Variants in PCDH9 observed in about 807,000 individuals in gnomAD.
PCDH9 encodes protocadherin 9, also known as protocadherin-9.
A neutral mutation model predicts 70.6 loss-of-function variants in PCDH9; 24 were observed. That is an observed-to-expected ratio of 0.34 (90% CI 0.25 to 0.48). The LOEUF (loss-of-function observed/expected upper bound fraction) is 0.48. Ranked by LOEUF, PCDH9 falls within the 20% of genes least tolerant of loss-of-function variation. The pLI is 0.99. For synonymous variants in PCDH9, 562 were observed against 558.5 expected (o/e 1.01, Z -0.09); for missense variants, 1,281 against 1,503.6 (o/e 0.85, Z 2.45).
intron 4 of PCDH9, among the ~76,000 whole-genome samples, chr13:66,408,330 C>T (rs375126): frequency 0.99 from 150,825 of 152,344 alleles, 74,680 homozygotes; most frequent in East Asian, 1. Context: ...GCAGGAACTT[C>T]GGTATGATTA....
intron 3 of PCDH9, among the ~76,000 whole-genome samples, chr13:66,803,872 G>A (rs769291152): frequency 6.6e-6 from 1 of 152,158 alleles, no homozygotes; most frequent in Non-Finnish European, 1.5e-5. Flanking sequence ...CACAGAATAT[G>A]AAGTTGCTTT....
chr13:66,903,810 T>C (rs2082315578), intron 2 of PCDH9, among the ~76,000 whole-genome samples: 1 of 152,036 alleles, frequency 6.6e-6, no homozygotes, highest in South Asian at 2.1e-4. Flanking sequence ...TAAAACACTT[T>C]TACTAAAACT....
chr13:67,089,338 A>G (rs527347592), intron 2 of PCDH9, among the ~76,000 whole-genome samples: 1 of 152,156 alleles, frequency 6.6e-6, no homozygotes, highest in Admixed American at 6.6e-5. Context: ...AACCCAAGAA[A>G]TATAATGTCT....
chr13:66,559,142 G>A (rs1288255158), intron 4 of PCDH9, among the ~76,000 whole-genome samples: 1 of 152,118 alleles, frequency 6.6e-6, no homozygotes, highest in African/African-American at 2.4e-5. Flanking sequence ...GAAGAGAATT[G>A]TCAGGAGTAA....
chr13:66,923,377 C>T (rs2082667750), intron 2 of PCDH9, among the ~76,000 whole-genome samples: 1 of 151,478 alleles, frequency 6.6e-6, no homozygotes, highest in African/African-American at 2.4e-5. Context: ...TGTTTCATAA[C>T]AGAGTTCTTT....
intron 2 of PCDH9, among the ~76,000 whole-genome samples, chr13:67,030,784 C>T (rs556816907): frequency 6.6e-6 from 1 of 152,166 alleles, no homozygotes; most frequent in South Asian, 2.1e-4. Context: ...AAAGGTGTCA[C>T]CCTATAATTT....
At chr13:66,341,553 C>T (rs896053404) in intron 4 of PCDH9, among the ~76,000 whole-genome samples, 1 of 152,096 alleles carries the variant, frequency 6.6e-6, no homozygotes, top group Non-Finnish European at 1.5e-5. Context: ...AATCTGAACC[C>T]GCATTTTAAC....
At chr13:66,994,100 G>C (rs191409553) in intron 2 of PCDH9, among the ~76,000 whole-genome samples, 15 of 152,270 alleles carry the variant, frequency 9.9e-5, no homozygotes, top group Admixed American at 8.5e-4. Context: ...GGAAACAGAA[G>C]GAAGGATTTC....
At chr13:66,860,420 G>A (rs1330377698) in intron 3 of PCDH9, among the ~76,000 whole-genome samples, 1 of 152,102 alleles carries the variant, frequency 6.6e-6, no homozygotes, top group Non-Finnish European at 1.5e-5. Context: ...ACCAGTTTCC[G>A]GTCCCAATTT....
intron 3 of PCDH9, among the ~76,000 whole-genome samples, chr13:66,761,694 A>G (rs2079630324): frequency 1.3e-5 from 2 of 151,834 alleles, no homozygotes; most frequent in African/African-American, 4.8e-5. Flanking sequence ...TTTATTTTTC[A>G]TCTCTAAGAT....
intron 2 of PCDH9, among the ~76,000 whole-genome samples, chr13:67,182,900 G>C (rs1412807711): frequency 6.6e-6 from 1 of 151,986 alleles, no homozygotes; most frequent in Non-Finnish European, 1.5e-5. Flanking sequence ...GATCAATGTA[G>C]GAAGGATCTA....
At chr13:66,935,479 T>C (rs1036225288) in intron 2 of PCDH9, among the ~76,000 whole-genome samples, 1 of 152,156 alleles carries the variant, frequency 6.6e-6, no homozygotes, top group African/African-American at 2.4e-5. Context: ...GTGTAACTTA[T>C]AAAAATAGAA....
chr13:66,879,017 CAAG>C (rs1227090670), intron 3 of PCDH9, among the ~76,000 whole-genome samples: 1 of 152,052 alleles, frequency 6.6e-6, no homozygotes, highest in Non-Finnish European at 1.5e-5. Context: ...TTCAGCATAA[CAAG>C]GAGGAGGTAT....
chr13:67,094,460 T>C (rs2086280430), intron 2 of PCDH9, among the ~76,000 whole-genome samples: 1 of 152,220 alleles, frequency 6.6e-6, no homozygotes, highest in African/African-American at 2.4e-5. Flanking sequence ...ATATATTCTC[T>C]GCTGTCAATA....
In PCDH9 at chr13:67,228,501, A is replaced by T. The variant is rs1338683012; in HGVS notation, c.-61T>A. 1.4e-6 allele frequency: 2 copies of T among 1,411,978 alleles called. No individual in the cohort carries two copies. Among genetic ancestry groups the T allele is most frequent in the Non-Finnish European group, 1.9e-6 (2 of 1,045,888 alleles). The allele number at this position is 1,411,978 out of a possible 1,614,324, so 87.5% of individuals were successfully genotyped here. ...GTTTAAAGGTTTCCACTGAGGAATG[A>T]TGCACAAATTGCAAGAGGAAGCGTG... On this transcript the variant is annotated 5_prime_UTR_variant, in exon 2 of 5. Coordinates refer to ENST00000377865, the MANE Select transcript of PCDH9 (RefSeq NM_203487.3).
intron 2 of PCDH9, among the ~76,000 whole-genome samples, chr13:66,946,952 T>C (rs2083098060): frequency 1.3e-5 from 2 of 152,276 alleles, no homozygotes; most frequent in Admixed American, 6.5e-5. Context: ...AAAAATGGGC[T>C]CCTTAACTTT....
chr13:66,492,712 T>C (rs1959053286), intron 4 of PCDH9, among the ~76,000 whole-genome samples: 1 of 152,018 alleles, frequency 6.6e-6, no homozygotes, highest in South Asian at 2.1e-4. Context: ...ATGACAGCCA[T>C]TGATCAGCTG....
intron 3 of PCDH9, among the ~76,000 whole-genome samples, chr13:66,831,720 T>G (rs1291962635): frequency 6.6e-6 from 1 of 152,172 alleles, no homozygotes; most frequent in African/African-American, 2.4e-5. Context: ...ATTGTTGTCA[T>G]GATGAGTTGC....
At chr13:66,785,587 C>T (rs897161806) in intron 3 of PCDH9, among the ~76,000 whole-genome samples, 2 of 152,020 alleles carry the variant, frequency 1.3e-5, no homozygotes, top group South Asian at 4.1e-4. Context: ...TTTCAATCTG[C>T]TTCAGAGAAT....
Sources: allele counts gnomAD v4.1 joint callset (sites outside exome capture counted in the v4.1 genomes callset), GRCh38; gene constraint gnomAD v4.1.1; transcripts MANE v1.5; gene names NCBI Gene and HGNC (gene_info 2026-07-23, HGNC 2026-07-21).